Variants in WASHC4 observed in about 807,000 individuals in gnomAD.
The protein encoded by WASHC4 is WASH complex subunit 4, also known as WASH complex subunit 7.
Under a neutral mutation model 166.6 loss-of-function variants are expected in WASHC4, and 86 were observed. That is an observed-to-expected ratio of 0.52 (90% CI 0.43 to 0.62). WASHC4 has a LOEUF of 0.62. WASHC4 is among the 20% of genes least tolerant of loss of function. The pLI is 0.00. For missense variants in WASHC4, 1,262 were observed against 1,382.4 expected, an observed-to-expected ratio of 0.91 and a Z score of 1.38; for synonymous variants, 446 against 451.6, an observed-to-expected ratio of 0.99 and a Z score of 0.16.
At position 105,122,203 on chromosome 12, in the gene WASHC4, C is replaced by G; in HGVS notation, c.751C>G (p.Leu251Val). ...GCCATTTGAAAAGTTCTTGCTGAAG[C>G]TAGAAGGGCAATTACTGGATGGAAT... ...LKPFEKFLLK[L>V]EGQLLDGMIF... is the part of the protein sequence containing the mutation. Residue 251 changes from leucine (L) to valine (V), a missense_variant, in exon 10 of 33, where the codon CTA (leucine) becomes GTA (valine). Transcript: ENST00000332180. The G allele has an allele frequency of 6.2e-7, 1 of 1,612,760 alleles. No homozygotes were observed. The highest frequency in any genetic ancestry group is 8.5e-7 in the Non-Finnish European group (1 of 1,179,464).
At chr12:105,125,061 A>G (rs1382885626) in intron 10 of WASHC4, among the ~76,000 whole-genome samples, 1 of 152,228 alleles carries the variant, frequency 6.6e-6, no homozygotes, top group African/African-American at 2.4e-5. Flanking sequence ...GCGCTGCTTT[A>G]AGCAGGTTCC....
chr12:105,146,384 T>TCA, intron 22 of WASHC4, 68 bp from the exon 23 acceptor site: 1 of 940,490 alleles, frequency 1.1e-6, no homozygotes, highest in South Asian at 1.3e-5. Context: ...TAAGTCATTA[T>TCA]GCTGATACAA....
At chr12:105,152,491 C>T in intron 26 of WASHC4, 40 bp downstream of exon 26, 2 of 1,056,868 alleles carry the variant, frequency 1.9e-6, no homozygotes, top group East Asian at 2.4e-5. Flanking sequence ...AGGTACAGAT[C>T]CCTACAGTCT....
At chr12:105,166,808 TTTA>T in intron 32 of WASHC4, 53 bp from the exon 33 acceptor site, 1 of 1,236,870 alleles carries the variant, frequency 8.1e-7, no homozygotes, top group African/African-American at 1.5e-5. Context: ...TACTTCTTAA[TTTA>T]TTGTTTAAAA....
intron 2 of WASHC4, among the ~76,000 whole-genome samples, chr12:105,113,278 T>C (rs934322509): frequency 3.2e-4 from 49 of 152,210 alleles, no homozygotes; most frequent in Admixed American, 2.9e-3. Context: ...GTAATACTTG[T>C]TGATTTTTTT....
At position 105,166,986 on chromosome 12, in the gene WASHC4, T is replaced by G; in HGVS notation, c.*55T>G. On this transcript the variant is annotated 3_prime_UTR_variant, in exon 33 of 33. Coordinates refer to ENST00000332180, the MANE Select transcript of WASHC4 (RefSeq NM_015275.3). ...AAATCATCAGAATTGTTAAAACTTT[T>G]GCCAGTGGAATGGATAAACTATTGA... 8.1e-7 allele frequency: 1 copy of G among 1,231,502 alleles called. No individual in the cohort carries two copies. Among genetic ancestry groups the G allele is most frequent in the South Asian group, 1.2e-5 (1 of 83,576 alleles). 76.3% of individuals were successfully genotyped at this position (1,231,502 alleles called of 1,614,324 possible). A position where few individuals can be genotyped will look rare whatever the true frequency, so the allele number is the denominator to read the frequency against.
At chr12:105,135,925 G>C (rs979773625) in intron 14 of WASHC4, among the ~76,000 whole-genome samples, 3 of 151,906 alleles carry the variant, frequency 2.0e-5, no homozygotes, top group Admixed American at 6.6e-5. Context: ...ATTTTTTATA[G>C]AGTGCCACAC....
intron 28 of WASHC4, 125 bp downstream of exon 28, chr12:105,157,447 G>A (rs1592917345): frequency 4.9e-6 from 3 of 614,770 alleles, no homozygotes; most frequent in East Asian, 2.9e-5. Flanking sequence ...CTCAGTTTAT[G>A]AAGTATAATT....
chr12:105,148,422 A>C (rs11112390), intron 24 of WASHC4: 114,901 of 984,466 alleles, frequency 0.12, 9,472 homozygotes, highest in African/African-American at 0.41. Context: ...TGAGAAAAAC[A>C]CATTTCCTGC....
intron 13 of WASHC4, among the ~76,000 whole-genome samples, chr12:105,131,377 C>T (rs1047874095): frequency 3.9e-5 from 6 of 152,118 alleles, no homozygotes; most frequent in African/African-American, 1.2e-4. Context: ...TGAGCCACCG[C>T]GCCCGGCCTG....
intron 24 of WASHC4, chr12:105,149,221 C>T: frequency 1.0e-6 from 1 of 985,308 alleles, no homozygotes; most frequent in Non-Finnish European, 1.2e-6. Flanking sequence ...ACTTTAGTAT[C>T]ATTCTAGACC....
Position 105,163,165 on chromosome 12 carries a change from A to T in WASHC4, c.3157+320A>T, listed in dbSNP as rs970198305. 5.3e-5 allele frequency among the ~76,000 whole-genome samples: 8 copies of T among 152,004 alleles called. No individual in the cohort carries two copies. The East Asian group carries it at 1.6e-3, about 30-fold the overall frequency. ...AGTAGAGACGGGGTTTCACTGTGTT[A>T]GCCAGGATGGTCTCGATCTCCTGAC... On this transcript the variant is annotated intron_variant, in intron 30 of 32. Coordinates refer to ENST00000332180, the MANE Select transcript of WASHC4 (RefSeq NM_015275.3).
chr12:105,146,183 TG>T (rs1883277584), intron 22 of WASHC4, among the ~76,000 whole-genome samples: 1 of 152,090 alleles, frequency 6.6e-6, no homozygotes, highest in Admixed American at 6.6e-5. Flanking sequence ...TCAAGGCTGG[TG>T]GGGAGATGAC....
intron 10 of WASHC4, among the ~76,000 whole-genome samples, chr12:105,123,427 A>T (rs1396223399): frequency 1.3e-5 from 2 of 152,264 alleles, no homozygotes; most frequent in African/African-American, 4.8e-5. Flanking sequence ...TGCTGTGAAC[A>T]CACAGATGAT....
Position 105,122,257 on chromosome 12 carries a change from G to A in WASHC4, c.786+19G>A. The A allele has an allele frequency of 6.2e-7, 1 of 1,609,946 alleles. No homozygotes were observed. The highest frequency in any genetic ancestry group is 8.5e-7 in the Non-Finnish European group (1 of 1,178,504). On this transcript the variant is annotated intron_variant, in intron 10 of 32. Coordinates refer to ENST00000332180, the MANE Select transcript of WASHC4 (RefSeq NM_015275.3). ...ATTCCAGGTAAGTAGGTCTGTATCA[G>A]ACTGTAACAGTGGGGCTCATATTAG...
chr12:105,160,001 G>A lies in WASHC4; in HGVS notation c.2913G>A (p.Arg971=), dbSNP rs1404835552. The A allele has an allele frequency of 6.2e-7, 1 of 1,613,672 alleles. No homozygotes were observed. The highest frequency in any genetic ancestry group is 1.7e-5 in the Admixed American group (1 of 59,986). The change falls in exon 29 of 33, where the codon AGG becomes AGA. Residue 971 remains arginine, a splice_region_variant and synonymous_variant. Transcript: ENST00000332180. ...GLAEETLKAA[R]HLDSVLSDHT... The stretch of plus-strand genomic sequence containing the variant: ...AACCAAATAATTTTTTGCTTTTTAG[G>A]CATTTGGATTCAGTCCTCAGTGATC...
At chr12:105,140,785 G>A in intron 16 of WASHC4, 114 bp from the exon 17 acceptor site, 1 of 1,032,300 alleles carries the variant, frequency 9.7e-7, no homozygotes. Flanking sequence ...AATGGGGAAA[G>A]TATTTGTGTA....
Position 105,146,437 on chromosome 12 carries a change from T to C in WASHC4, c.2335-15T>C. ...AATGAATTATAATAAAACTTGTATG[T>C]GTATTATGTTGTAGGGCCTTGATGT... On this transcript the variant is annotated splice_polypyrimidine_tract_variant and intron_variant, in intron 22 of 32. Transcript: ENST00000332180. The C allele has an allele frequency of 7.1e-7, 1 of 1,403,494 alleles. No homozygotes were observed. Among genetic ancestry groups the C allele is most frequent in the Admixed American group, 1.7e-5 (1 of 59,554 alleles). The allele number at this position is 1,403,494 out of a possible 1,614,324, so 86.9% of individuals were successfully genotyped here.
chr12:105,149,216 A>G (rs1397675419), intron 24 of WASHC4: 1 of 985,272 alleles, frequency 1.0e-6, no homozygotes, highest in African/African-American at 1.7e-5. Flanking sequence ...TTCTTACTTT[A>G]GTATCATTCT....
Sources: allele counts gnomAD v4.1 joint callset (sites outside exome capture counted in the v4.1 genomes callset), GRCh38; gene constraint gnomAD v4.1.1; transcripts MANE v1.5; gene names NCBI Gene and HGNC (gene_info 2026-07-23, HGNC 2026-07-21).